Variants in KIF17 observed in about 807,000 individuals in gnomAD.
The protein encoded by KIF17 is kinesin-like protein KIF17.
Under a neutral mutation model 96.8 loss-of-function variants are expected in KIF17, and 80 were observed. The ratio of observed to expected loss-of-function variants is 0.83; its 90% CI spans 0.69 to 1.00. The LOEUF is 1.00. Ranked by LOEUF, KIF17 falls within the 50% of genes least tolerant of loss-of-function variation. The pLI is 0.00. For missense variants in KIF17, 1,280 were observed against 1,372.9 expected, an observed-to-expected ratio of 0.93 and a Z score of 1.07; for synonymous variants, 567 against 587.5, an observed-to-expected ratio of 0.97 and a Z score of 0.51.
intron 7 of KIF17, 131 bp downstream of exon 7, chr1:20,690,057 C>T (rs914226671): frequency 1.0e-6 from 1 of 963,230 alleles, no homozygotes. Context: ...ACCTACCTTA[C>T]TGGACCATTG....
chr1:20,717,165 C>T (rs973015369), intron 1 of KIF17, among the ~76,000 whole-genome samples: 3 of 152,150 alleles, frequency 2.0e-5, no homozygotes, highest in African/African-American at 7.2e-5. Flanking sequence ...CCCATCTGTA[C>T]TAAAAACACA....
At chr1:20,701,516 A>G (rs1425175768) in intron 5 of KIF17, among the ~76,000 whole-genome samples, 1 of 152,186 alleles carries the variant, frequency 6.6e-6, no homozygotes, top group South Asian at 2.1e-4. Flanking sequence ...TGATAACACC[A>G]GGGACCCAGG....
At chr1:20,695,118 ATACACACACG>A (rs1279397990) in intron 6 of KIF17, among the ~76,000 whole-genome samples, 1 of 142,916 alleles carries the variant, frequency 7.0e-6, no homozygotes, top group East Asian at 2.2e-4. Flanking sequence ...ACGCACACGC[ATACACACACG>A]CACACACACG....
At chr1:20,694,917 C>T (rs1240525053) in intron 6 of KIF17, among the ~76,000 whole-genome samples, 1 of 152,130 alleles carries the variant, frequency 6.6e-6, no homozygotes, top group African/African-American at 2.4e-5. Context: ...TCACCCAGCC[C>T]CTCTATTGTT....
At chr1:20,684,078 A>T (rs2053883421) in intron 10 of KIF17, among the ~76,000 whole-genome samples, 1 of 152,244 alleles carries the variant, frequency 6.6e-6, no homozygotes, top group Non-Finnish European at 1.5e-5. Flanking sequence ...CATTCTGAAG[A>T]TGGGCAGTGA....
In KIF17 at chr1:20,709,554, C is replaced by T; in HGVS notation, c.670+85G>A. On this transcript the variant is annotated intron_variant, in intron 4 of 14. Transcript: ENST00000400463. This position sits in a 1 kb window ranked among gnomAD's most constrained non-coding sequence, Gnocchi z 4.7. Reference sequence around the variant, plus strand: ...ATCTCTTCCCACTTTCCAGGGGCTCCTGCGGCCCCGAGAGGTGGCGTGCCT... The same window carrying T: ...ATCTCTTCCCACTTTCCAGGGGCTCTTGCGGCCCCGAGAGGTGGCGTGCCT... 2 of 1,488,784 alleles carry T rather than the reference C, an allele frequency of 1.3e-6. No individual in the cohort carries two copies. The highest frequency in any genetic ancestry group is 1.1e-5 in the South Asian group (1 of 87,994). The allele number at this position is 1,488,784 out of a possible 1,614,324, so 92.2% of individuals were successfully genotyped here.
intron 13 of KIF17, among the ~76,000 whole-genome samples, chr1:20,669,808 G>A (rs1302375358): frequency 1.6e-5 from 2 of 127,138 alleles, no homozygotes; most frequent in Non-Finnish European, 3.1e-5. Context: ...AGAGGTTGCA[G>A]TGAGCCAAGA....
intron 11 of KIF17, among the ~76,000 whole-genome samples, chr1:20,675,650 G>A (rs1042635976): frequency 6.6e-6 from 1 of 152,078 alleles, no homozygotes; most frequent in African/African-American, 2.4e-5. Context: ...GCTATTTTGA[G>A]TCCCTTGAAT....
chr1:20,683,591 G>T (rs868299368), intron 10 of KIF17, among the ~76,000 whole-genome samples: 1 of 151,922 alleles, frequency 6.6e-6, no homozygotes, highest in African/African-American at 2.4e-5. Flanking sequence ...GGAGGCAGAG[G>T]TTGCAGTGAG....
intron 11 of KIF17, among the ~76,000 whole-genome samples, chr1:20,675,396 T>C (rs567199015): frequency 1.3e-4 from 19 of 141,592 alleles, no homozygotes; most frequent in Non-Finnish European, 2.3e-4. Context: ...TGCAGTGAGC[T>C]GAGATCACGC....
At chr1:20,703,165 A>AGATGGATGGATG (rs375493743) in intron 5 of KIF17, among the ~76,000 whole-genome samples, 1 of 86,742 alleles carries the variant, frequency 1.2e-5, no homozygotes, top group African/African-American at 4.5e-5. Context: ...GGAAGGATGG[A>AGATGGATGGATG]GATGGATGGA....
downstream of KIF17, among the ~76,000 whole-genome samples, chr1:20,662,812 G>A (rs568666165): frequency 3.3e-5 from 5 of 152,136 alleles, no homozygotes; most frequent in African/African-American, 1.2e-4. Context: ...GCTTTGCAGC[G>A]CTCTCCGCCA....
chr1:20,669,909 C>T (rs1473147487), intron 13 of KIF17, among the ~76,000 whole-genome samples: 1 of 109,994 alleles, frequency 9.1e-6, no homozygotes, highest in Non-Finnish European at 1.9e-5. Context: ...AAAAAACAAC[C>T]ACCACCACCC....
intron 6 of KIF17, among the ~76,000 whole-genome samples, 178 bp downstream of exon 6, chr1:20,698,201 C>G (rs1291380867): frequency 1.3e-5 from 2 of 152,238 alleles, no homozygotes; most frequent in Non-Finnish European, 2.9e-5. Flanking sequence ...CTGGCTCAGA[C>G]TCTTTGCTGT....
At chr1:20,692,321 C>T (rs1000952727) in intron 6 of KIF17, among the ~76,000 whole-genome samples, 1 of 151,822 alleles carries the variant, frequency 6.6e-6, no homozygotes, top group Non-Finnish European at 1.5e-5. Flanking sequence ...CTGCACTGCT[C>T]CCTGTCCCTT....
intron 2 of KIF17, 45 bp from the exon 3 acceptor site, chr1:20,713,600 T>C (rs1017374606): frequency 1.7e-5 from 24 of 1,434,640 alleles, no homozygotes; most frequent in Non-Finnish European, 2.2e-5. Context: ...GAGCTCGAAG[T>C]CCACCTGCTG....
At chr1:20,707,279 T>C (rs748081747) in intron 4 of KIF17, among the ~76,000 whole-genome samples, 1 of 152,138 alleles carries the variant, frequency 6.6e-6, no homozygotes, top group Non-Finnish European at 1.5e-5. Flanking sequence ...GTGGCATGAC[T>C]TGCAGCACTG....
rs555998043 is a variant in KIF17, at chr1:20,709,924, C to T, written c.481-96G>A. ...ACCAGAGAGAAGGGCCCCATCCAGA[C>T]CGCCCTCGCCCTCCTGTAATGCAGG... On this transcript the variant is annotated intron_variant, in intron 3 of 14. Transcript: ENST00000400463. The surrounding 1 kb of genome is among the most constrained non-coding windows in gnomAD (Gnocchi z 4.7). The T allele has an allele frequency of 2.6e-6, 3 of 1,141,116 alleles. No individual in the cohort carries two copies. Among genetic ancestry groups the T allele is most frequent in the Admixed American group, 4.0e-5 (2 of 50,438 alleles). 70.7% of individuals were successfully genotyped at this position (1,141,116 alleles called of 1,614,324 possible). A position where few individuals can be genotyped will look rare whatever the true frequency, so the allele number is the denominator to read the frequency against.
chr1:20,673,844 G>C (rs1557583887), intron 11 of KIF17, among the ~76,000 whole-genome samples: 1 of 151,964 alleles, frequency 6.6e-6, no homozygotes, highest in East Asian at 1.9e-4. Context: ...CCATTTCTTA[G>C]ACTGGGTAGT....
Sources: gnomAD v4.1 joint callset for allele counts (sites outside exome capture counted in the v4.1 genomes callset) on GRCh38, gnomAD v4.1.1 for gene constraint, Gnocchi (gnomAD v3.1) non-coding constraint, MANE v1.5 for transcripts, NCBI Gene and HGNC (gene_info 2026-07-23, HGNC 2026-07-21) for gene names.